TNKS1BP1: variants seen among roughly 807,000 people sequenced by gnomAD.
TNKS1BP1 encodes 182 kDa tankyrase-1-binding protein.
Under a neutral mutation model 141.1 loss-of-function variants are expected in TNKS1BP1, and 48 were observed. The observed-to-expected ratio is 0.34, with a 90% CI of 0.27 to 0.43. The LOEUF is 0.43. Among genes scored for constraint, TNKS1BP1 ranks in the 20% least tolerant of loss-of-function variants. TNKS1BP1 has a pLI of 1.00. For missense variants in TNKS1BP1, 2,149 were observed against 2,226.0 expected (o/e 0.97, Z 0.70); for synonymous variants, 875 against 898.2 (o/e 0.97, Z 0.46).
At position 57,309,201 on chromosome 11, in the gene TNKS1BP1, C is replaced by T; in HGVS notation, c.3510G>A (p.Leu1170=). 1 of 1,614,208 alleles carries T rather than the reference C, an allele frequency of 6.2e-7. No individual in the cohort carries two copies. The highest frequency in any genetic ancestry group is 8.5e-7 in the Non-Finnish European group (1 of 1,180,046). ...CAGAACCCACACAGCTGGACACTTC[C>T]AAGTTCCTGAGACCCAGCTGGTCAG... ...DWTDQLGLRN[L]EVSSCVGSGG... The change falls in exon 6 of 12, where the codon TTG becomes TTA. Residue 1170 remains leucine, a synonymous_variant. Coordinates refer to ENST00000358252, the MANE Select transcript of TNKS1BP1 (RefSeq NM_033396.3). This position sits in a 1 kb window ranked among gnomAD's most constrained non-coding sequence, Gnocchi z 4.3.
Position 57,313,793 on chromosome 11 carries a change from G to A in TNKS1BP1, c.895C>T (p.Pro299Ser), listed in dbSNP as rs1358725251. The A allele has an allele frequency of 4.4e-6, 7 of 1,588,038 alleles. No homozygotes were observed. The highest frequency in any genetic ancestry group is 5.1e-6 in the Non-Finnish European group (6 of 1,168,748). ...GGCGGGTGAAGATGGGGAGAGCCAG[G>A]GCCTGAGCCTGAGGCTTCTGCGGGG... ...GLPAEASGSG[P>S]GSPHLHPPDK... Residue 299 changes from proline to serine, a missense_variant, in exon 5 of 12, where the codon CCT becomes TCT. Physicochemically the swap from Pro to Ser is moderately conservative, Grantham distance 74 (BLOSUM62 -1). Transcript: ENST00000358252.
chr11:57,312,904 G>A lies in TNKS1BP1; in HGVS notation c.1784C>T (p.Pro595Leu). The A allele has an allele frequency of 6.2e-7, 1 of 1,609,828 alleles. No individual in the cohort carries two copies. Among genetic ancestry groups the A allele is most frequent in the Non-Finnish European group, 8.5e-7 (1 of 1,177,356 alleles). Residue 595 changes from proline (P) to leucine (L), a missense_variant, in exon 5 of 12, where the codon CCC becomes CTC. Transcript: ENST00000358252. ...QAEERYESQE[P>L]LAGQESPLPL... Reference sequence around the variant, plus strand: ...GAGAGGGGACTCCTGTCCAGCCAAGGGCTCCTGCGACTCGTATCTCTCCTC... The same window carrying A: ...GAGAGGGGACTCCTGTCCAGCCAAGAGCTCCTGCGACTCGTATCTCTCCTC...
rs772610788 is a variant in TNKS1BP1 at position 57,302,095 on chromosome 11, G to A, written c.4813C>T (p.His1605Tyr). 1.2e-6 allele frequency: 2 copies of A among 1,613,824 alleles called. No individual in the cohort carries two copies. The highest frequency in any genetic ancestry group is 1.7e-4 in the Middle Eastern group (1 of 6,060). Residue 1605 changes from histidine (H) to tyrosine (Y), a missense_variant, in exon 8 of 12, where the codon CAC becomes TAC. By Grantham distance (83) the His-to-Tyr change is moderately conservative (BLOSUM62 2). Transcript: ENST00000358252. This position sits in a 1 kb window ranked among gnomAD's most constrained non-coding sequence, Gnocchi z 5.5. Reference protein sequence around the residue: ...GLSEAADSDAHLFQDSTEPRA... With the variant: ...GLSEAADSDAYLFQDSTEPRA... ...CTACCTGTAGAGTCCTGGAACAGGT[G>A]TGCATCCGAGTCTGCTGCCTCCGAC...
Position 57,320,360 on chromosome 11 carries a change from G to A in TNKS1BP1, c.447C>T (p.Phe149=). The A allele has an allele frequency of 1.9e-6, 3 of 1,614,168 alleles. No individual in the cohort carries two copies. Among genetic ancestry groups the A allele is most frequent in the Non-Finnish European group, 2.5e-6 (3 of 1,180,042 alleles). Residue 149 remains phenylalanine (F), a synonymous_variant, in exon 3 of 12, where the codon TTC becomes TTT. Coordinates refer to ENST00000358252, the MANE Select transcript of TNKS1BP1 (RefSeq NM_033396.3). The part of the protein sequence containing the change: ...PGGVRKAPAP[F]RPASERFAAT... The stretch of plus-strand genomic sequence containing the variant: ...CCGCGAAGCGCTCTGAGGCTGGGCG[G>A]AAAGGGGCAGGGGCCTTCCGTACAC...
chr11:57,312,692 G>T lies in TNKS1BP1; in HGVS notation c.1996C>A (p.Gln666Lys). The change falls in exon 5 of 12, where the codon CAA (glutamine) becomes AAA (lysine). Residue 666 changes from glutamine to lysine, a missense_variant. Gln to Lys is a moderately conservative substitution (Grantham distance 53, BLOSUM62 1). Coordinates refer to ENST00000358252, the MANE Select transcript of TNKS1BP1 (RefSeq NM_033396.3). ...TCGGGGGATGCCCTACACAAGTCTTGAGCCTCTGTCCTGGCTTGGGTGGTC... is the reference window on the plus strand; with the variant it reads ...TCGGGGGATGCCCTACACAAGTCTTTAGCCTCTGTCCTGGCTTGGGTGGTC... The part of the protein sequence containing the change: ...AETTQARTEA[Q>K]DLCRASPEPP... The T allele has an allele frequency of 6.3e-7, 1 of 1,576,028 alleles. No homozygotes were observed. The highest frequency in any genetic ancestry group is 1.2e-5 in the South Asian group (1 of 84,178).
intron 5 of TNKS1BP1, 115 bp downstream of exon 5, chr11:57,312,419 G>GCTCA (rs879909643): frequency 1.1e-4 from 128 of 1,208,126 alleles, no homozygotes; most frequent in Non-Finnish European, 1.4e-4. Context: ...CAGCTGCCTT[G>GCTCA]CTCACTACCA....
intron 6 of TNKS1BP1, chr11:57,303,578 G>C (rs1855562994): frequency 6.6e-6 from 1 of 152,538 alleles, no homozygotes; most frequent in South Asian, 2.1e-4. Context: ...CCCATAGCCT[G>C]TCGGTGAGCT....
intron 5 of TNKS1BP1, chr11:57,311,573 C>T (rs1855713089): frequency 1.8e-6 from 1 of 548,878 alleles, no homozygotes; most frequent in South Asian, 7.9e-5. Context: ...ACAGACACAC[C>T]TACTACAGGA....
chr11:57,324,913 C>A lies in TNKS1BP1; in HGVS notation c.-139G>T. 1.0e-6 allele frequency: 1 copy of A among 980,606 alleles called. No homozygotes were observed. Among genetic ancestry groups the A allele is most frequent in the Non-Finnish European group, 1.2e-6 (1 of 828,238 alleles). 60.7% of individuals were successfully genotyped at this position (980,606 alleles called of 1,614,324 possible). A position where few individuals can be genotyped will look rare whatever the true frequency, so the allele number is the denominator to read the frequency against. On this transcript the variant is annotated 5_prime_UTR_variant, in exon 1 of 12. Coordinates refer to ENST00000358252, the MANE Select transcript of TNKS1BP1 (RefSeq NM_033396.3). ...TCCCCGCCGCCGCCGCCGCTGCTAC[C>A]GCCGCCGCCGCCGCCGTCACCGCGG...
chr11:57,302,150 C>T lies in TNKS1BP1; in HGVS notation c.4758G>A (p.Pro1586=), dbSNP rs147576300. Reference sequence around the variant, plus strand: ...CCAAGGTACCCCCAGGCCGAATGACCGGGGCCCGGTGCCCACGCTTGCGCC... The same window carrying T: ...CCAAGGTACCCCCAGGCCGAATGACTGGGGCCCGGTGCCCACGCTTGCGCC... The part of the protein sequence containing the change: ...NLGRKRGHRA[P]VIRPGGTLGL... The change falls in exon 8 of 12, where the codon CCG becomes CCA. Residue 1586 remains proline, a synonymous_variant. Coordinates refer to ENST00000358252, the MANE Select transcript of TNKS1BP1 (RefSeq NM_033396.3). The surrounding 1 kb of genome is among the most constrained non-coding windows in gnomAD (Gnocchi z 5.5). The T allele has an allele frequency of 5.8e-5, 94 of 1,613,666 alleles. No homozygotes were observed. The African/African-American group carries it at 6.3e-4, about 11-fold the overall frequency.
intron 1 of TNKS1BP1, among the ~76,000 whole-genome samples, chr11:57,323,201 C>T (rs1855913673): frequency 6.6e-6 from 1 of 151,968 alleles, no homozygotes. Flanking sequence ...CCCTGATAAC[C>T]ACCTCCTCCT....
chr11:57,317,729 T>C (rs1855819447), intron 4 of TNKS1BP1, 89 bp downstream of exon 4: 1 of 1,368,618 alleles, frequency 7.3e-7, no homozygotes, highest in Non-Finnish European at 1.0e-6. Flanking sequence ...TTTCCCCATC[T>C]GAACTACAAG....
chr11:57,324,064 G>C (rs1445747031), intron 1 of TNKS1BP1, among the ~76,000 whole-genome samples: 1 of 152,224 alleles, frequency 6.6e-6, no homozygotes, highest in Non-Finnish European at 1.5e-5. Context: ...AGAGACCAGG[G>C]GGTAGAGGGT....
intron 4 of TNKS1BP1, among the ~76,000 whole-genome samples, chr11:57,314,246 A>C (rs1412010626): frequency 6.6e-6 from 1 of 152,224 alleles, no homozygotes; most frequent in African/African-American, 2.4e-5. Context: ...ATAAAGGGAA[A>C]AGGAACATTG....
chr11:57,300,600 C>A lies in TNKS1BP1; in HGVS notation c.5130G>T (p.Gly1710=). 6.2e-7 allele frequency: 1 copy of A among 1,614,192 alleles called. No homozygotes were observed. The highest frequency in any genetic ancestry group is 1.1e-5 in the South Asian group (1 of 91,078). The change falls in exon 11 of 12, where the codon GGG becomes GGT. Residue 1710 remains glycine, a splice_region_variant and synonymous_variant. Transcript: ENST00000358252. ...TLPPKPEKSS[G]SEGSSPNWLQ... ...GCCAGTTGGGCGACGATCCTTCTGA[C>A]CTAGGAGGCAGACGGCAAAGGTCCA...
In TNKS1BP1 at chr11:57,313,046, G is replaced by A; in HGVS notation, c.1642C>T (p.Pro548Ser). ...CCCTTCTGGGTGAGGGACATGCTTG[G>A]ATCATCCCCCTGCACCCAGGAACTT... ...SGSSWVQGDD[P>S]SMSLTQKGDG... The change falls in exon 5 of 12, where the codon CCA becomes TCA. Residue 548 changes from proline to serine, a missense_variant. Transcript: ENST00000358252. The A allele has an allele frequency of 6.2e-7, 1 of 1,613,862 alleles. No homozygotes were observed. Among genetic ancestry groups the A allele is most frequent in the Non-Finnish European group, 8.5e-7 (1 of 1,180,024 alleles).
chr11:57,303,634 A>C (rs1855563884), intron 6 of TNKS1BP1, among the ~76,000 whole-genome samples: 1 of 152,194 alleles, frequency 6.6e-6, no homozygotes, highest in Non-Finnish European at 1.5e-5. Flanking sequence ...TGCCCCCAGC[A>C]CCTGACCCAG....
chr11:57,310,633 A>C (rs1855691929), intron 5 of TNKS1BP1, 77 bp from the exon 6 acceptor site: 3 of 1,512,176 alleles, frequency 2.0e-6, no homozygotes, highest in Non-Finnish European at 2.6e-6. Flanking sequence ...CAGCAGAGTC[A>C]GCGCTGCCTA....
chr11:57,309,508 G>A lies in TNKS1BP1; in HGVS notation c.3203C>T (p.Ala1068Val). Reference sequence around the variant, plus strand: ...CAGGTCAGCACTGCCAGGGCCCTGAGCCCCTGCCTGCTGTCTCTCCTGATG... The same window carrying A: ...CAGGTCAGCACTGCCAGGGCCCTGAACCCCTGCCTGCTGTCTCTCCTGATG... ...GGHQERQQAGAQGPGSADLED... is the reference protein window; with the variant it reads ...GGHQERQQAGVQGPGSADLED... The change falls in exon 6 of 12, where the codon GCT becomes GTT. Residue 1068 changes from alanine to valine, a missense_variant. By Grantham distance (64) the Ala-to-Val change is moderately conservative. Transcript: ENST00000358252. This position sits in a 1 kb window ranked among gnomAD's most constrained non-coding sequence, Gnocchi z 4.3. 1 of 1,613,784 alleles carries A rather than the reference G, an allele frequency of 6.2e-7. No individual in the cohort carries two copies. The highest frequency in any genetic ancestry group is 8.5e-7 in the Non-Finnish European group (1 of 1,180,030).
Sources: gnomAD v4.1 joint callset for allele counts (sites outside exome capture counted in the v4.1 genomes callset) on GRCh38, gnomAD v4.1.1 for gene constraint, Gnocchi (gnomAD v3.1) non-coding constraint, MANE v1.5 for transcripts, NCBI Gene and HGNC (gene_info 2026-07-23, HGNC 2026-07-21) for gene names.